Variants in KLHL24 observed in about 807,000 individuals in gnomAD.
KLHL24 encodes kelch like family member 24.
In KLHL24, 29 loss-of-function variants were observed where a neutral mutation model predicts 53.4. The observed-to-expected ratio is 0.54, with a 90% CI of 0.40 to 0.74. The LOEUF (loss-of-function observed/expected upper bound fraction) is 0.74. Among genes scored for constraint, KLHL24 ranks in the 30% least tolerant of loss-of-function variants. KLHL24 has a pLI of 0.00. For missense variants in KLHL24, 504 were observed against 744.0 expected, an observed-to-expected ratio of 0.68 and a Z score of 3.75; for synonymous variants, 222 against 253.7, an observed-to-expected ratio of 0.88 and a Z score of 1.19.
Position 183,679,565 on chromosome 3 carries a change from G to T in KLHL24, c.*279G>T. The T allele has an allele frequency of 2.8e-6, 1 of 351,704 alleles. No homozygotes were observed. Among genetic ancestry groups the T allele is most frequent in the South Asian group, 3.7e-5 (1 of 27,030 alleles). 21.8% of individuals were successfully genotyped at this position (351,704 alleles called of 1,614,324 possible). ...ATTTGTAAGAAGTCTATGTGAATTA[G>T]GAAATGTCTGTCTGCATACCTTTTA... On this transcript the variant is annotated 3_prime_UTR_variant, in exon 8 of 8. Coordinates refer to ENST00000242810, the MANE Select transcript of KLHL24 (RefSeq NM_017644.3).
At chr3:183,636,879 G>A (rs898733380) in intron 1 of KLHL24, among the ~76,000 whole-genome samples, 3 of 151,980 alleles carry the variant, frequency 2.0e-5, no homozygotes, top group African/African-American at 7.2e-5. Flanking sequence ...GGTGGCCGCC[G>A]CCGCCGCTGC....
rs771566699 is a variant in KLHL24, at chr3:183,671,075, C to T, written c.1266C>T (p.Ser422=). The change falls in exon 6 of 8, where the codon AGC becomes AGT. Residue 422 remains serine, a synonymous_variant. Transcript: ENST00000242810. ...GCTATGATGGGCAAAACAGACTTAG[C>T]AGCGTAGAATGTTATGATTCCTTTT... ...VGGYDGQNRL[S]SVECYDSFSN... 8.1e-6 allele frequency: 13 copies of T among 1,613,800 alleles called. No individual in the cohort carries two copies. Among genetic ancestry groups the T allele is most frequent in the South Asian group, 6.6e-5 (6 of 91,068 alleles).
At chr3:183,668,412 C>T (rs982926641) in intron 5 of KLHL24, among the ~76,000 whole-genome samples, 1 of 152,112 alleles carries the variant, frequency 6.6e-6, no homozygotes, top group Non-Finnish European at 1.5e-5. Context: ...AGGAATCATT[C>T]CTACCTTACA....
intron 3 of KLHL24, among the ~76,000 whole-genome samples, chr3:183,655,699 C>G (rs1220881433): frequency 1.3e-5 from 2 of 151,986 alleles, no homozygotes; most frequent in Non-Finnish European, 2.9e-5. Flanking sequence ...CCGAGGCGGG[C>G]AGATCACTAA....
intron 3 of KLHL24, among the ~76,000 whole-genome samples, chr3:183,657,768 T>C (rs1719116660): frequency 1.3e-5 from 2 of 152,254 alleles, no homozygotes; most frequent in African/African-American, 2.4e-5. Flanking sequence ...TTTGAACTCA[T>C]TGAATTGTTT....
rs758570330 is a variant in KLHL24 at position 183,650,255 on chromosome 3, A to AT, written c.-61-35dup. 6.8e-4 allele frequency: 562 copies of AT among 820,746 alleles called. 2 individuals carry two copies. Among genetic ancestry groups the AT allele is most frequent in the Non-Finnish European group, 9.5e-4 (501 of 527,092 alleles). The allele number at this position is 820,746 out of a possible 1,614,324, so 50.8% of individuals were successfully genotyped here. A position where few individuals can be genotyped will look rare whatever the true frequency, so the allele number is the denominator to read the frequency against. On this transcript the variant is annotated intron_variant, in intron 2 of 7. Coordinates refer to ENST00000242810, the MANE Select transcript of KLHL24 (RefSeq NM_017644.3). The surrounding 1 kb of genome is among the most constrained non-coding windows in gnomAD (Gnocchi z 4.5). ...TGAAATTATGTGATTTGAATACTGAATTTTTTGCATATTGAAATGTTTTCC... is the reference window on the plus strand; with the variant it reads ...TGAAATTATGTGATTTGAATACTGAATTTTTTTGCATATTGAAATGTTTTCC...
At chr3:183,660,853 C>A (rs1197313442) in intron 3 of KLHL24, among the ~76,000 whole-genome samples, 1 of 151,438 alleles carries the variant, frequency 6.6e-6, no homozygotes, top group Non-Finnish European at 1.5e-5. Flanking sequence ...GTCAGGAGAT[C>A]GAAACCACGT....
chr3:183,651,310 A>C, intron 3 of KLHL24, 34 bp downstream of exon 3: 1 of 1,507,550 alleles, frequency 6.6e-7, no homozygotes, highest in East Asian at 2.3e-5. Flanking sequence ...AGTTAACAAA[A>C]GTTTTTAATA....
At chr3:183,647,927 A>C (rs535905373) in intron 2 of KLHL24, among the ~76,000 whole-genome samples, 20 of 151,886 alleles carry the variant, frequency 1.3e-4, no homozygotes, top group African/African-American at 4.8e-4. Flanking sequence ...AATCGCTTGA[A>C]CCCGGGAGGC....
chr3:183,661,431 A>C (rs1472466197), intron 3 of KLHL24, among the ~76,000 whole-genome samples: 1 of 152,118 alleles, frequency 6.6e-6, no homozygotes, highest in Non-Finnish European at 1.5e-5. Flanking sequence ...TGAGATAAGT[A>C]TTTCTCCAAG....
At chr3:183,648,632 A>G (rs1717669976) in intron 2 of KLHL24, among the ~76,000 whole-genome samples, 1 of 152,176 alleles carries the variant, frequency 6.6e-6, no homozygotes, top group African/African-American at 2.4e-5. Context: ...TAAACCAATT[A>G]CTAATACACT....
chr3:183,679,043 A>G, intron 7 of KLHL24, 43 bp from the exon 8 acceptor site: 3 of 1,481,602 alleles, frequency 2.0e-6, no homozygotes, highest in Non-Finnish European at 2.8e-6. Flanking sequence ...CAAATCCTTT[A>G]TCTTCAATGG....
chr3:183,635,956 C>T (rs1231629905), intron 1 of KLHL24, among the ~76,000 whole-genome samples, 163 bp downstream of exon 1: 1 of 152,142 alleles, frequency 6.6e-6, no homozygotes, highest in South Asian at 2.1e-4. Flanking sequence ...CGAGGGGCCT[C>T]CAGGGTTCAC....
At chr3:183,653,541 A>G (rs1360152267) in intron 3 of KLHL24, among the ~76,000 whole-genome samples, 1 of 152,232 alleles carries the variant, frequency 6.6e-6, no homozygotes, top group Non-Finnish European at 1.5e-5. Flanking sequence ...GAAGCAGAAC[A>G]AAGGCAGTTA....
rs1394701317 is a variant in KLHL24, at chr3:183,669,099, T to C, written c.1225-1935T>C. Among the ~76,000 whole-genome samples the C allele has an allele frequency of 3.3e-5, 5 of 152,310 alleles. No homozygotes were observed. The South Asian group carries it at 8.3e-4, about 25-fold the overall frequency. On this transcript the variant is annotated intron_variant, in intron 5 of 7. Coordinates refer to ENST00000242810, the MANE Select transcript of KLHL24 (RefSeq NM_017644.3). ...TTGTCTTGATGCTCATGGCATGTAT[T>C]ATATTTTAATTTACACATGTAGGAA...
rs778362102 is a variant in KLHL24 at position 183,680,328 on chromosome 3, C to A, written c.*1042C>A. On this transcript the variant is annotated 3_prime_UTR_variant, in exon 8 of 8. Coordinates refer to ENST00000242810, the MANE Select transcript of KLHL24 (RefSeq NM_017644.3). ...AAAAGAAAAATAGGGATAGGTTTTCCTTCCTAGCCCAGTAGAGTTTGACCT... is the reference window on the plus strand; with the variant it reads ...AAAAGAAAAATAGGGATAGGTTTTCATTCCTAGCCCAGTAGAGTTTGACCT... 4 of 152,102 alleles carry A rather than the reference C, an allele frequency of 2.6e-5. No individual in the cohort carries two copies. Among genetic ancestry groups the A allele is most frequent in the Non-Finnish European group, 4.4e-5 (3 of 68,026 alleles). 9.4% of individuals were successfully genotyped at this position (152,102 alleles called of 1,614,324 possible).
chr3:183,677,641 T>C (rs748660101), intron 7 of KLHL24, among the ~76,000 whole-genome samples: 19 of 152,198 alleles, frequency 1.2e-4, no homozygotes, highest in Non-Finnish European at 2.4e-4. Flanking sequence ...ACTATTTCAT[T>C]GTTGGTTATG....
At position 183,650,663 on chromosome 3, in the gene KLHL24, C is replaced by T. The variant is rs757620913; in HGVS notation, c.307C>T (p.Arg103Ter). The T allele has an allele frequency of 2.5e-6, 4 of 1,613,900 alleles. No individual in the cohort carries two copies. The highest frequency in any genetic ancestry group is 2.2e-5 in the East Asian group (1 of 44,892). Residue 103 changes from arginine to a stop codon, truncating the protein, a stop_gained, in exon 3 of 8, where the codon CGA becomes TGA. Transcript: ENST00000242810. LOFTEE classifies it high-confidence loss of function. This position sits in a 1 kb window ranked among gnomAD's most constrained non-coding sequence, Gnocchi z 4.5. ...GTTTTGTAATGACCACAGGGAAAGC[C>T]GAGAAATGTTGGTTGAGATCAATGG... ...AMFCNDHRES[R>*]EMLVEINGIL...
At chr3:183,665,269 C>T (rs953010367) in intron 5 of KLHL24, among the ~76,000 whole-genome samples, 39 of 152,278 alleles carry the variant, frequency 2.6e-4, no homozygotes, top group African/African-American at 8.9e-4. Flanking sequence ...CATTTCTCTT[C>T]TCATGCATCA....
Sources: gnomAD v4.1 joint callset for allele counts (sites outside exome capture counted in the v4.1 genomes callset) on GRCh38, gnomAD v4.1.1 for gene constraint, Gnocchi (gnomAD v3.1) non-coding constraint, MANE v1.5 for transcripts, NCBI Gene and HGNC (gene_info 2026-07-23, HGNC 2026-07-21) for gene names.